Variants in VIT observed in about 807,000 individuals in gnomAD.
VIT encodes the protein vitrin.
Under a neutral mutation model 78.0 loss-of-function variants are expected in VIT, and 99 were observed. That is an observed-to-expected ratio of 1.27 (90% confidence interval 1.08 to 1.50). The LOEUF is 1.50. VIT is among the 40% of genes most tolerant of loss of function. VIT has a pLI of 0.00. For missense variants in VIT, 1,126 were observed against 875.3 expected (o/e 1.29, Z -3.61); for synonymous variants, 374 against 334.3 (o/e 1.12, Z -1.29).
intron 6 of VIT, among the ~76,000 whole-genome samples, chr2:36,760,152 G>A (rs957053507): frequency 4.0e-5 from 6 of 151,876 alleles, no homozygotes; most frequent in Admixed American, 3.9e-4. Context: ...CTGCCACCAC[G>A]CCCGGCTAAT....
rs536287400 is a variant in VIT, at chr2:36,778,569, G to A, written c.803-3158G>A. Among the ~76,000 whole-genome samples the A allele has an allele frequency of 1.4e-4, 21 of 152,278 alleles. No individual in the cohort carries two copies. The East Asian group carries it at 2.1e-3, about 15-fold the overall frequency. The stretch of plus-strand genomic sequence containing the variant: ...GGTTTCCCAAAAAATACCCCACACC[G>A]AGCCTTGGATGGTAGCCCATTTATA... On this transcript the variant is annotated intron_variant, in intron 9 of 15. Transcript: ENST00000379242.
chr2:36,799,254 C>T (rs547301740), intron 12 of VIT, among the ~76,000 whole-genome samples: 1 of 152,156 alleles, frequency 6.6e-6, no homozygotes, highest in Non-Finnish European at 1.5e-5. Context: ...CTCCTCTCTC[C>T]CAGGTCCTGG....
intron 12 of VIT, chr2:36,787,649 G>A (rs1384751669): frequency 1.2e-5 from 4 of 332,886 alleles, no homozygotes; most frequent in Non-Finnish European, 2.3e-5. Flanking sequence ...AGATCATGAA[G>A]GTTGGATCTG....
intron 3 of VIT, among the ~76,000 whole-genome samples, chr2:36,734,660 A>G (rs1389359119): frequency 2.6e-5 from 4 of 152,182 alleles, no homozygotes; most frequent in African/African-American, 9.7e-5. Flanking sequence ...CAGTACATCT[A>G]TTCTGCCTAC....
At chr2:36,719,304 C>T (rs1039503322) in intron 2 of VIT, among the ~76,000 whole-genome samples, 1 of 152,160 alleles carries the variant, frequency 6.6e-6, no homozygotes, top group Non-Finnish European at 1.5e-5. Flanking sequence ...ACTCTTGCTA[C>T]TTCTGTTCAG....
intron 4 of VIT, among the ~76,000 whole-genome samples, chr2:36,744,258 T>C (rs529261055): frequency 6.6e-6 from 1 of 152,352 alleles, no homozygotes; most frequent in South Asian, 2.1e-4. Context: ...TGAATAGTGC[T>C]GCAACGAACA....
At position 36,771,731 on chromosome 2, in the gene VIT, G is replaced by T. The variant is rs112293795; in HGVS notation, c.680-2060G>T. ...ATCCTAAGGTAATTATCAACCCGGG[G>T]TGAGAACAGATGCTGTTCATAATTT... On this transcript the variant is annotated intron_variant, in intron 7 of 15. Transcript: ENST00000379242. 5.7e-4 allele frequency among the ~76,000 whole-genome samples: 86 copies of T among 152,182 alleles called. 1 individual carries two copies. Among genetic ancestry groups the T allele is most frequent in the African/African-American group, 1.8e-3 (76 of 41,512 alleles).
intron 14 of VIT, among the ~76,000 whole-genome samples, chr2:36,807,204 C>T (rs1437770603): frequency 6.6e-6 from 1 of 152,220 alleles, no homozygotes; most frequent in East Asian, 1.9e-4. Context: ...TGAAGCCCAA[C>T]TCACATTTCT....
At chr2:36,798,143 A>T (rs1474467822) in intron 12 of VIT, among the ~76,000 whole-genome samples, 1 of 152,222 alleles carries the variant, frequency 6.6e-6, no homozygotes, top group Non-Finnish European at 1.5e-5. Context: ...TAAATTATGG[A>T]TGCTTTGAAA....
intron 1 of VIT, among the ~76,000 whole-genome samples, chr2:36,697,280 T>G (rs1664737015): frequency 1.3e-5 from 2 of 152,268 alleles, no homozygotes; most frequent in South Asian, 2.1e-4. Context: ...TGTGTAGAAT[T>G]TTAAAGTAAT....
intron 2 of VIT, 55 bp from the exon 3 acceptor site, chr2:36,729,371 A>G: frequency 6.8e-7 from 1 of 1,476,508 alleles, no homozygotes; most frequent in Non-Finnish European, 9.2e-7. Flanking sequence ...GTCAAAAGAG[A>G]AAGAATTTAA....
chr2:36,806,515 G>A (rs1411762061), intron 14 of VIT, among the ~76,000 whole-genome samples: 1 of 151,924 alleles, frequency 6.6e-6, no homozygotes, highest in Non-Finnish European at 1.5e-5. Context: ...TCTCCTGCAG[G>A]ATCCCTCCCA....
intron 4 of VIT, among the ~76,000 whole-genome samples, chr2:36,744,470 A>G (rs1395276154): frequency 2.6e-5 from 4 of 152,186 alleles, no homozygotes; most frequent in Non-Finnish European, 1.5e-5. Context: ...TTTTCTCTGC[A>G]GCCCACCAAC....
At chr2:36,786,776 T>C (rs750394905) in intron 11 of VIT, among the ~76,000 whole-genome samples, 4 of 152,232 alleles carry the variant, frequency 2.6e-5, no homozygotes, top group African/African-American at 7.2e-5. Context: ...TGCGACTCAG[T>C]CTTGATGAAT....
intron 3 of VIT, among the ~76,000 whole-genome samples, chr2:36,739,339 A>G (rs533172850): frequency 2.6e-5 from 4 of 152,356 alleles, no homozygotes; most frequent in African/African-American, 9.6e-5. Flanking sequence ...GATTTGGCCT[A>G]CTACATAATC....
At chr2:36,724,618 C>T (rs1408919077) in intron 2 of VIT, among the ~76,000 whole-genome samples, 2 of 152,100 alleles carry the variant, frequency 1.3e-5, no homozygotes, top group Admixed American at 1.3e-4. Context: ...TTCTGAGGAG[C>T]TTTAATTATA....
At position 36,742,595 on chromosome 2, in the gene VIT, T is replaced by C. The variant is rs1015066767; in HGVS notation, c.119-505T>C. ...AAGCCTTCTTAATTTGGTCCATCCC[T>C]ACCAATCTACCATCCTCCCACCAGG... is the stretch of plus-strand genomic sequence containing the variant. On this transcript the variant is annotated intron_variant, in intron 3 of 15. Transcript: ENST00000379242. Among the ~76,000 whole-genome samples, 12 of 152,184 alleles carry C rather than the reference T, an allele frequency of 7.9e-5. No individual in the cohort carries two copies. In the South Asian group the frequency reaches 1.0e-3, roughly 13 times the overall value.
chr2:36,715,098 A>T (rs887840449), intron 1 of VIT, among the ~76,000 whole-genome samples: 1 of 152,094 alleles, frequency 6.6e-6, no homozygotes, highest in African/African-American at 2.4e-5. Context: ...TACCATCTCT[A>T]TGAGGATTTC....
chr2:36,769,524 T>C (rs564793068), intron 7 of VIT, among the ~76,000 whole-genome samples: 1 of 152,268 alleles, frequency 6.6e-6, no homozygotes, highest in African/African-American at 2.4e-5. Context: ...AAGCAAGCCA[T>C]GAAGCATGCA....
Sources: allele counts gnomAD v4.1 joint callset (sites outside exome capture counted in the v4.1 genomes callset), GRCh38; gene constraint gnomAD v4.1.1; transcripts MANE v1.5; gene names NCBI Gene and HGNC (gene_info 2026-07-23, HGNC 2026-07-21).